The following ZBTB20 variants were observed in gnomAD, a reference collection of about 807,000 sequenced individuals.
ZBTB20 encodes the protein zinc finger and BTB domain containing 20.
In ZBTB20, 9 loss-of-function variants were observed where a neutral mutation model predicts 56.9. That is an observed-to-expected ratio of 0.16 (90% CI 0.10 to 0.28). The LOEUF (loss-of-function observed/expected upper bound fraction) is 0.28, where lower values mean the gene tolerates loss of function less well. Among genes scored for constraint, ZBTB20 ranks in the 10% least tolerant of loss-of-function variants. The pLI, the probability that ZBTB20 is intolerant of heterozygous loss-of-function variation, is 1.00. For synonymous variants in ZBTB20, 417 were observed against 420.7 expected (o/e 0.99, Z 0.11); for missense variants, 655 against 1,003.0 (o/e 0.65, Z 4.69).
chr3:114,394,207 T>C (rs2086142252), intron 7 of ZBTB20, among the ~76,000 whole-genome samples: 1 of 152,198 alleles, frequency 6.6e-6, no homozygotes, highest in Non-Finnish European at 1.5e-5. Flanking sequence ...GGTGTATGTT[T>C]TAGTATACCC....
intron 4 of ZBTB20, among the ~76,000 whole-genome samples, chr3:114,885,437 G>GTC (rs3086035): frequency 0.76 from 114,655 of 151,784 alleles, 47,445 homozygotes; most frequent in East Asian, 0.99. Flanking sequence ...TTTGTTTAGT[G>GTC]TCTCTCTCTC....
intron 2 of ZBTB20, among the ~76,000 whole-genome samples, chr3:115,050,505 T>A (rs2081504929): frequency 6.6e-6 from 1 of 151,978 alleles, no homozygotes; most frequent in Non-Finnish European, 1.5e-5. Flanking sequence ...AGAATTATAT[T>A]ATCAAACACC....
At chr3:114,743,016 CT>C (rs1052581334) in intron 5 of ZBTB20, among the ~76,000 whole-genome samples, 2 of 151,954 alleles carry the variant, frequency 1.3e-5, no homozygotes, top group Admixed American at 1.3e-4. Context: ...ACTTTGACAT[CT>C]TTTTTTTATT....
chr3:114,534,248 C>T (rs569494028), intron 6 of ZBTB20, among the ~76,000 whole-genome samples: 6 of 151,778 alleles, frequency 4.0e-5, no homozygotes, highest in Non-Finnish European at 7.4e-5. Flanking sequence ...ACCCATCTCA[C>T]GTACAAAGAC....
chr3:115,078,613 G>GTGTGTGTGTGTGTGTGTGTATATATA (rs769630983), intron 1 of ZBTB20, among the ~76,000 whole-genome samples: 3 of 137,828 alleles, frequency 2.2e-5, no homozygotes, highest in African/African-American at 8.5e-5. Flanking sequence ...GTGTGTGTGT[G>GTGTGTGTGTGTGTGTGTGTATATATA]TATATATATA....
intron 2 of ZBTB20, among the ~76,000 whole-genome samples, chr3:115,004,028 A>G (rs1251302335): frequency 1.3e-5 from 2 of 151,726 alleles, no homozygotes; most frequent in African/African-American, 4.8e-5. Context: ...TTTTAAAATT[A>G]ATGCTACTGT....
chr3:115,139,872 T>C (rs1437507357), intron 1 of ZBTB20, among the ~76,000 whole-genome samples: 2 of 152,046 alleles, frequency 1.3e-5, no homozygotes, highest in African/African-American at 2.4e-5. Flanking sequence ...ATAGATTTAT[T>C]ATACTTACCC....
Position 114,486,138 on chromosome 3 carries a change from G to GC in ZBTB20, c.-255+14213_-255+14214insG, listed in dbSNP as rs1553726951. 7.1e-4 allele frequency among the ~76,000 whole-genome samples: 18 copies of GC among 25,292 alleles called. 1 individual carries two copies. The highest frequency in any genetic ancestry group is 1.7e-3 in the African/African-American group (15 of 8,832). 16.6% of individuals were successfully genotyped at this position (25,292 alleles called of 152,430 possible). On this transcript the variant is annotated intron_variant, in intron 7 of 11. Coordinates refer to ENST00000675478, the MANE Select transcript of ZBTB20 (RefSeq NM_001348800.3). ...AGTAAGAGTGTGTGTGTGTGTGTGT[G>GC]GGGGGGGGGGGCGGTGTATGAATTC...
At chr3:114,739,995 T>C (rs1314455042) in intron 5 of ZBTB20, among the ~76,000 whole-genome samples, 11 of 152,246 alleles carry the variant, frequency 7.2e-5, no homozygotes, top group Non-Finnish European at 1.3e-4. Context: ...TAGTAAAAGA[T>C]TATGTAATCT....
intron 7 of ZBTB20, among the ~76,000 whole-genome samples, chr3:114,426,288 A>G (rs1203419011): frequency 2.8e-5 from 4 of 144,042 alleles, no homozygotes; most frequent in African/African-American, 1.1e-4. Flanking sequence ...TAGTGAGCCG[A>G]GATCGCGCCA....
intron 5 of ZBTB20, among the ~76,000 whole-genome samples, chr3:114,722,988 C>T (rs924262539): frequency 1.3e-5 from 2 of 152,100 alleles, no homozygotes; most frequent in Admixed American, 6.5e-5. Context: ...CAGGATTAAT[C>T]GAAACGTAGC....
At chr3:115,075,992 T>C (rs1474844373) in intron 1 of ZBTB20, among the ~76,000 whole-genome samples, 1 of 151,508 alleles carries the variant, frequency 6.6e-6, no homozygotes, top group Non-Finnish European at 1.5e-5. Context: ...CAAGGAACCA[T>C]CTGAAAAAAA....
intron 4 of ZBTB20, among the ~76,000 whole-genome samples, chr3:114,839,441 A>AAGAG (rs2074273719): frequency 6.6e-6 from 1 of 151,276 alleles, no homozygotes; most frequent in Admixed American, 6.6e-5. Context: ...GAAAGAAAGA[A>AAGAG]AGAAAGAAAG....
At chr3:114,564,397 T>G (rs2052472595) in intron 6 of ZBTB20, among the ~76,000 whole-genome samples, 1 of 152,114 alleles carries the variant, frequency 6.6e-6, no homozygotes, top group African/African-American at 2.4e-5. Context: ...GACCGAAATA[T>G]TCTAGGTACC....
intron 4 of ZBTB20, among the ~76,000 whole-genome samples, chr3:114,860,533 A>G (rs886559970): frequency 2.6e-5 from 4 of 152,242 alleles, no homozygotes; most frequent in Non-Finnish European, 5.9e-5. Flanking sequence ...GAATAACATT[A>G]GAGATTACGT....
At chr3:114,993,646 AC>A (rs1471204268) in intron 2 of ZBTB20, among the ~76,000 whole-genome samples, 20 of 151,896 alleles carry the variant, frequency 1.3e-4, no homozygotes, top group African/African-American at 2.2e-4. Flanking sequence ...AACTAAAAAA[AC>A]ATTCATAAAT....
At chr3:114,876,889 A>T (rs1475812090) in intron 4 of ZBTB20, among the ~76,000 whole-genome samples, 2 of 152,116 alleles carry the variant, frequency 1.3e-5, no homozygotes, top group African/African-American at 4.8e-5. Flanking sequence ...ATTTTATCTC[A>T]TGCTTCCATA....
chr3:114,703,749 C>A (rs1365030697), intron 5 of ZBTB20, among the ~76,000 whole-genome samples: 4 of 152,168 alleles, frequency 2.6e-5, no homozygotes, highest in African/African-American at 9.6e-5. Flanking sequence ...GTCCCCATGA[C>A]AATAACTTAA....
At chr3:114,859,494 T>A in intron 4 of ZBTB20, among the ~76,000 whole-genome samples, 1 of 152,070 alleles carries the variant, frequency 6.6e-6, no homozygotes, top group Middle Eastern at 3.4e-3. Context: ...AAGAAAATAA[T>A]ATTTTTGTTT....
Sources: gnomAD v4.1 joint callset for allele counts (sites outside exome capture counted in the v4.1 genomes callset) on GRCh38, gnomAD v4.1.1 for gene constraint, MANE v1.5 for transcripts, NCBI Gene and HGNC (gene_info 2026-07-23, HGNC 2026-07-21) for gene names.